SMOC2: variants seen among roughly 807,000 people sequenced by gnomAD.
SMOC2 encodes SPARC related modular calcium binding 2, also known as SPARC-related modular calcium-binding protein 2.
In SMOC2, 39 loss-of-function variants were observed where a neutral mutation model predicts 61.4. The observed-to-expected ratio is 0.64, with a 90% CI of 0.49 to 0.83. SMOC2 has a LOEUF of 0.83. Among genes scored for constraint, SMOC2 ranks in the 40% least tolerant of loss-of-function variants. The pLI, the probability that SMOC2 is intolerant of heterozygous loss-of-function variation, is 0.00. For missense variants in SMOC2, 556 were observed against 592.9 expected, an observed-to-expected ratio of 0.94 and a Z score of 0.65; for synonymous variants, 247 against 239.9, an observed-to-expected ratio of 1.03 and a Z score of -0.27.
At chr6:168,566,865 C>T (rs911274692) in intron 7 of SMOC2, among the ~76,000 whole-genome samples, 1 of 151,732 alleles carries the variant, frequency 6.6e-6, no homozygotes, top group Non-Finnish European at 1.5e-5. Context: ...ATGACGGAAT[C>T]ATACTTGAAA....
Position 168,553,389 on chromosome 6 carries a change from A to G in SMOC2, c.637+4186A>G, listed in dbSNP as rs559008457. Among the ~76,000 whole-genome samples the G allele has an allele frequency of 1.3e-5, 2 of 152,228 alleles. No homozygotes were observed. Among genetic ancestry groups the G allele is most frequent in the African/African-American group, 4.8e-5 (2 of 41,466 alleles). On this transcript the variant is annotated intron_variant, in intron 7 of 12. Coordinates refer to ENST00000356284, the MANE Select transcript of SMOC2 (RefSeq NM_001166412.2). This position sits in a 1 kb window ranked among gnomAD's most constrained non-coding sequence, Gnocchi z 4.2. ...TAAACTAGTTACAAGATTTTATCAG[A>G]TAAGACATTTTGTAAGATACAGTCT...
intron 9 of SMOC2, among the ~76,000 whole-genome samples, chr6:168,641,282 C>T (rs1455141204): frequency 6.6e-6 from 1 of 152,136 alleles, no homozygotes; most frequent in Admixed American, 6.5e-5. Flanking sequence ...CCCTCAAATG[C>T]TAGATCCCTC....
chr6:168,635,003 C>G (rs1016492501), intron 9 of SMOC2, among the ~76,000 whole-genome samples: 2 of 152,332 alleles, frequency 1.3e-5, no homozygotes, highest in Admixed American at 1.3e-4. Flanking sequence ...GCCTGCATGT[C>G]TTCAAGGATG....
intron 7 of SMOC2, among the ~76,000 whole-genome samples, chr6:168,557,220 A>AT (rs1163205378): frequency 6.6e-6 from 1 of 152,110 alleles, no homozygotes; most frequent in Non-Finnish European, 1.5e-5. Context: ...CACCAATTAG[A>AT]TTTGTAAGTT....
rs547857235 is a variant in SMOC2 at position 168,475,788 on chromosome 6, C to T, written c.85-34127C>T. On this transcript the variant is annotated intron_variant, in intron 1 of 12. Transcript: ENST00000356284. This position sits in a 1 kb window ranked among gnomAD's most constrained non-coding sequence, Gnocchi z 4.6. ...TGGAATAGGCAGGAGAGGGAGACAA[C>T]GTCTCCGGAGCCAGTGGGTGGGAGC... 1.2e-4 allele frequency among the ~76,000 whole-genome samples: 18 copies of T among 152,176 alleles called. No individual in the cohort carries two copies. The highest frequency in any genetic ancestry group is 4.2e-4 in the South Asian group (2 of 4,816).
chr6:168,526,230 C>G, intron 2 of SMOC2, 116 bp from the exon 3 acceptor site: 1 of 881,074 alleles, frequency 1.1e-6, no homozygotes, highest in Admixed American at 2.1e-5. Flanking sequence ...CCTTTCCAGC[C>G]TCCAGGTCCT....
intron 11 of SMOC2, among the ~76,000 whole-genome samples, chr6:168,653,688 A>C (rs9294908): frequency 0.021 from 502 of 23,424 alleles, 2 homozygotes; most frequent in African/African-American, 0.053. Flanking sequence ...GAACTCACCA[A>C]CCCTCTACCT....
At chr6:168,511,896 C>T (rs1213793511) in intron 2 of SMOC2, among the ~76,000 whole-genome samples, 1 of 147,022 alleles carries the variant, frequency 6.8e-6, no homozygotes, top group East Asian at 2.0e-4. Flanking sequence ...ACACAAATGC[C>T]AGGTATGGGG....
intron 7 of SMOC2, among the ~76,000 whole-genome samples, chr6:168,571,262 G>A (rs1278271990): frequency 1.3e-5 from 2 of 152,218 alleles, no homozygotes; most frequent in Admixed American, 6.5e-5. Context: ...AAAATATCTT[G>A]TGAATTCATA....
chr6:168,498,288 G>A lies in SMOC2; in HGVS notation c.85-11627G>A, dbSNP rs191561139. Among the ~76,000 whole-genome samples, 186 of 152,264 alleles carry A rather than the reference G, an allele frequency of 1.2e-3. 1 individual carries two copies. Among genetic ancestry groups the A allele is most frequent in the African/African-American group, 4.4e-3 (183 of 41,538 alleles). On this transcript the variant is annotated intron_variant, in intron 1 of 12. Coordinates refer to ENST00000356284, the MANE Select transcript of SMOC2 (RefSeq NM_001166412.2). The stretch of plus-strand genomic sequence containing the variant: ...CATATTCTGTAACATGTATTTTAGT[G>A]TAATTTGCTCTAAATGCTTTGAAAT...
intron 7 of SMOC2, among the ~76,000 whole-genome samples, chr6:168,584,905 C>A (rs1785014759): frequency 6.6e-6 from 1 of 152,188 alleles, no homozygotes; most frequent in African/African-American, 2.4e-5. Flanking sequence ...AGCCATCTCC[C>A]AGTTGATGCC....
intron 7 of SMOC2, among the ~76,000 whole-genome samples, chr6:168,595,621 T>C (rs565381862): frequency 3.3e-5 from 5 of 152,286 alleles, no homozygotes; most frequent in Admixed American, 1.3e-4. Context: ...AAAATGGAAT[T>C]GCATTTCTCC....
intron 7 of SMOC2, among the ~76,000 whole-genome samples, chr6:168,590,791 C>G (rs539205116): frequency 2.6e-5 from 4 of 152,072 alleles, no homozygotes; most frequent in Non-Finnish European, 5.9e-5. Context: ...CTGGCAGCTG[C>G]TTATTATCAT....
intron 7 of SMOC2, among the ~76,000 whole-genome samples, chr6:168,563,422 C>T (rs1784470200): frequency 1.3e-5 from 2 of 152,080 alleles, no homozygotes; most frequent in East Asian, 3.9e-4. Flanking sequence ...TATATATACA[C>T]ACACACGTAC....
chr6:168,638,959 A>C (rs1050764681), intron 9 of SMOC2, among the ~76,000 whole-genome samples: 3 of 152,206 alleles, frequency 2.0e-5, no homozygotes, highest in Admixed American at 2.0e-4. Flanking sequence ...AGAGGAGAAA[A>C]TGATTCCTGC....
chr6:168,536,417 G>A (rs747534435), intron 4 of SMOC2, among the ~76,000 whole-genome samples: 4 of 152,158 alleles, frequency 2.6e-5, no homozygotes, highest in South Asian at 4.1e-4. Flanking sequence ...AGGAGCTGGC[G>A]GATAAGGAGG....
At chr6:168,510,197 G>A in intron 2 of SMOC2, 111 bp downstream of exon 2, 2 of 1,087,436 alleles carry the variant, frequency 1.8e-6, no homozygotes, top group Non-Finnish European at 2.6e-6. Flanking sequence ...TCGGGTTTAT[G>A]TTGGCTCTTT....
intron 9 of SMOC2, among the ~76,000 whole-genome samples, chr6:168,645,102 G>C (rs1053472387): frequency 6.6e-6 from 1 of 152,274 alleles, no homozygotes; most frequent in Non-Finnish European, 1.5e-5. Flanking sequence ...AATTTTGTTA[G>C]TGTCAAGACA....
intron 7 of SMOC2, among the ~76,000 whole-genome samples, chr6:168,570,923 C>G (rs549221640): frequency 1.1e-4 from 17 of 152,278 alleles, no homozygotes; most frequent in African/African-American, 3.9e-4. Flanking sequence ...CTCTCCTCAT[C>G]CCTTCATCTT....
Sources: allele counts gnomAD v4.1 joint callset (sites outside exome capture counted in the v4.1 genomes callset), GRCh38; gene constraint gnomAD v4.1.1; non-coding constraint Gnocchi (gnomAD v3.1); transcripts MANE v1.5; gene names NCBI Gene and HGNC (gene_info 2026-07-23, HGNC 2026-07-21).